Variants in TEX11 observed in about 807,000 individuals in gnomAD.
TEX11 encodes the protein testis-expressed protein 11.
In TEX11, 7 loss-of-function variants were observed where a neutral mutation model predicts 84.4. The ratio of observed to expected loss-of-function variants is 0.08; its 90% confidence interval spans 0.05 to 0.16. The LOEUF is 0.16. Among genes scored for constraint, TEX11 ranks in the 10% least tolerant of loss-of-function variants. The pLI is 1.00. For synonymous variants in TEX11, 264 were observed against 222.8 expected (o/e 1.18, Z -1.64); for missense variants, 551 against 660.5 (o/e 0.83, Z 1.82).
intron 2 of TEX11, among the ~76,000 whole-genome samples, chrX:70,888,438 G>C (rs2091721339): frequency 8.9e-6 from 1 of 112,442 alleles, no homozygotes; most frequent in South Asian, 3.6e-4. Flanking sequence ...GCATACTGAA[G>C]AAAGCATCAG....
chrX:70,861,882 A>G (rs1456254352), intron 4 of TEX11, among the ~76,000 whole-genome samples: 2 of 112,189 alleles, frequency 1.8e-5, no homozygotes, highest in African/African-American at 6.5e-5. Flanking sequence ...ACAGAAAAAT[A>G]ATTGTAAATT....
At chrX:70,734,039 C>T (rs2090676414) in intron 11 of TEX11, among the ~76,000 whole-genome samples, 1 of 110,537 alleles carries the variant, frequency 9.0e-6, no homozygotes, top group African/African-American at 3.3e-5. Flanking sequence ...TCATTCTCAG[C>T]AAACTATCGC....
intron 2 of TEX11, among the ~76,000 whole-genome samples, chrX:70,887,639 G>A (rs1249550099): frequency 8.9e-6 from 1 of 112,417 alleles, no homozygotes; most frequent in Non-Finnish European, 1.9e-5. Flanking sequence ...CCAGGGCCTG[G>A]GAGAACTCCA....
At chrX:70,722,811 G>T in intron 12 of TEX11, 115 bp from the exon 13 acceptor site, 1 of 554,688 alleles carries the variant, frequency 1.8e-6, no homozygotes, top group Non-Finnish European at 2.9e-6. Context: ...CATATACCAT[G>T]TTTTGCCTAA....
intron 9 of TEX11, among the ~76,000 whole-genome samples, chrX:70,784,495 G>A (rs901970667): frequency 9.0e-6 from 1 of 111,558 alleles, no homozygotes; most frequent in Admixed American, 9.6e-5. Flanking sequence ...TTAGGCAGGA[G>A]AAAGAAATAA....
intron 10 of TEX11, among the ~76,000 whole-genome samples, chrX:70,743,324 C>T (rs1380201551): frequency 1.8e-5 from 2 of 112,014 alleles, no homozygotes; most frequent in Admixed American, 9.5e-5. Context: ...TTATGCTTCT[C>T]TTTTATTCCC....
chrX:70,570,492 T>C (rs2088578663), intron 25 of TEX11, among the ~76,000 whole-genome samples: 1 of 112,303 alleles, frequency 8.9e-6, no homozygotes, highest in African/African-American at 3.2e-5. Context: ...TCACCCGTCT[T>C]CTGCGTCGCT....
chrX:70,560,532 T>C (rs1468040357), intron 25 of TEX11, among the ~76,000 whole-genome samples: 1 of 111,526 alleles, frequency 9.0e-6, no homozygotes, highest in Non-Finnish European at 1.9e-5. Flanking sequence ...ATTCTGGAAG[T>C]TGTCAAGCTT....
At chrX:70,679,509 GC>G (rs2090114023) in intron 14 of TEX11, among the ~76,000 whole-genome samples, 1 of 109,561 alleles carries the variant, frequency 9.1e-6, no homozygotes. Context: ...CCTCTTCCCG[GC>G]CGCCATCCCA....
intron 25 of TEX11, among the ~76,000 whole-genome samples, chrX:70,561,094 A>G (rs2088366653): frequency 9.3e-6 from 1 of 107,827 alleles, no homozygotes; most frequent in Admixed American, 1.0e-4. Context: ...CTATAGATCA[A>G]TTTGGGAAAA....
chrX:70,562,660 C>A (rs1365709881), intron 25 of TEX11, among the ~76,000 whole-genome samples: 1 of 112,184 alleles, frequency 8.9e-6, no homozygotes, highest in African/African-American at 3.2e-5. Context: ...CCCTCCACAT[C>A]CTGATTGATT....
intron 28 of TEX11, among the ~76,000 whole-genome samples, chrX:70,537,773 G>A (rs1409927541): frequency 4.5e-5 from 5 of 111,051 alleles, no homozygotes; most frequent in Non-Finnish European, 7.6e-5. Context: ...TGGCTTATAT[G>A]GGAGGTAGAC....
At chrX:70,522,056 C>T in the TEX11 span, among the ~76,000 whole-genome samples, 1 of 111,414 alleles carries the variant, frequency 9.0e-6, no homozygotes, top group South Asian at 3.8e-4. Flanking sequence ...GACTGGGTTT[C>T]ACCATGTTGC....
chrX:70,580,127 A>G (rs1176353326), intron 25 of TEX11, among the ~76,000 whole-genome samples: 1 of 112,644 alleles, frequency 8.9e-6, no homozygotes, highest in Admixed American at 9.4e-5. Context: ...CAGCCATTAA[A>G]AAGAATGAGA....
At chrX:70,546,539 C>T (rs1439783629) in intron 28 of TEX11, among the ~76,000 whole-genome samples, 5 of 111,212 alleles carry the variant, frequency 4.5e-5, no homozygotes, top group Non-Finnish European at 7.5e-5. Context: ...ACTCTTATAA[C>T]TCAATAAAAA....
intron 8 of TEX11, among the ~76,000 whole-genome samples, chrX:70,830,879 C>T (rs2091373588): frequency 9.1e-6 from 1 of 110,247 alleles, no homozygotes; most frequent in African/African-American, 3.3e-5. Context: ...ATTAGTATAC[C>T]CATTACAGAA....
At chrX:70,713,313 G>T (rs1057131877) in intron 13 of TEX11, among the ~76,000 whole-genome samples, 14 of 112,076 alleles carry the variant, frequency 1.2e-4, no homozygotes, top group Non-Finnish European at 2.6e-4. Flanking sequence ...CATAAAGTGA[G>T]TTACGGAGGA....
At chrX:70,527,589 C>T (rs2087835339), downstream of TEX11, among the ~76,000 whole-genome samples, 1 of 111,697 alleles carries the variant, frequency 9.0e-6, no homozygotes. Flanking sequence ...ACTTATAATC[C>T]TGAACTTAGG....
In TEX11 at chrX:70,710,001, A is replaced by G. The variant is rs1382114992; in HGVS notation, c.1004+12617T>C. ...GGTGCATTGACTTTCCTAGATCACT[A>G]TCTCTAGGTTTCTGATTCTGTCTTG... is the stretch of plus-strand genomic sequence containing the variant. On this transcript the variant is annotated intron_variant, in intron 13 of 29. Transcript: ENST00000374333. Among the ~76,000 whole-genome samples, 11 of 110,674 alleles carry G rather than the reference A, an allele frequency of 9.9e-5. No individual in the cohort carries two copies. The East Asian group carries it at 1.7e-3, about 17-fold the overall frequency.
Sources: gnomAD v4.1 joint callset for allele counts (sites outside exome capture counted in the v4.1 genomes callset) on GRCh38, gnomAD v4.1.1 for gene constraint, MANE v1.5 for transcripts, NCBI Gene and HGNC (gene_info 2026-07-23, HGNC 2026-07-21) for gene names.